Variants in ZDHHC14 observed in about 807,000 individuals in gnomAD.
ZDHHC14 encodes the protein palmitoyltransferase ZDHHC14.
In ZDHHC14, 16 loss-of-function variants were observed where a neutral mutation model predicts 47.7. The observed-to-expected ratio is 0.34, with a 90% CI of 0.23 to 0.51. ZDHHC14 has a LOEUF of 0.51. Ranked by LOEUF, ZDHHC14 falls within the 20% of genes least tolerant of loss-of-function variation. ZDHHC14 has a pLI of 0.97. For missense variants in ZDHHC14, 515 were observed against 662.5 expected, an observed-to-expected ratio of 0.78 and a Z score of 2.44; for synonymous variants, 293 against 278.9, an observed-to-expected ratio of 1.05 and a Z score of -0.50.
At chr6:157,492,347 C>T (rs1053108180) in intron 1 of ZDHHC14, among the ~76,000 whole-genome samples, 2 of 152,172 alleles carry the variant, frequency 1.3e-5, no homozygotes, top group Non-Finnish European at 2.9e-5. Flanking sequence ...CTCCAAAGAC[C>T]TCAGGGCATT....
At chr6:157,495,914 A>G (rs1780052428) in intron 1 of ZDHHC14, among the ~76,000 whole-genome samples, 1 of 151,976 alleles carries the variant, frequency 6.6e-6, no homozygotes, top group African/African-American at 2.4e-5. Context: ...CATGTTGACC[A>G]GGCTGGTCTT....
chr6:157,467,088 T>G (rs1401267639), intron 1 of ZDHHC14, among the ~76,000 whole-genome samples: 1 of 152,148 alleles, frequency 6.6e-6, no homozygotes, highest in Non-Finnish European at 1.5e-5. Flanking sequence ...GGAAACACCA[T>G]CCGAGTTTTT....
intron 1 of ZDHHC14, among the ~76,000 whole-genome samples, chr6:157,424,772 C>G (rs1778182881): frequency 6.6e-6 from 1 of 152,126 alleles, no homozygotes; most frequent in Non-Finnish European, 1.5e-5. Flanking sequence ...CCTCCCCTAT[C>G]CAATCAATCA....
chr6:157,415,106 A>G (rs1444588249), intron 1 of ZDHHC14, among the ~76,000 whole-genome samples: 4 of 152,158 alleles, frequency 2.6e-5, no homozygotes, highest in Non-Finnish European at 4.4e-5. Flanking sequence ...CTGTCAAGAG[A>G]ACTATACTGA....
chr6:157,515,299 C>T (rs1016914815), intron 1 of ZDHHC14, among the ~76,000 whole-genome samples: 13 of 152,122 alleles, frequency 8.5e-5, no homozygotes, highest in Non-Finnish European at 1.5e-4. Context: ...TTTCCCTCTC[C>T]GAATCTTTTC....
intron 1 of ZDHHC14, among the ~76,000 whole-genome samples, chr6:157,413,124 C>G (rs1340493671): frequency 6.6e-6 from 1 of 152,130 alleles, no homozygotes; most frequent in Non-Finnish European, 1.5e-5. Flanking sequence ...ATAGAAGCGT[C>G]TAAAGTGCCA....
intron 1 of ZDHHC14, among the ~76,000 whole-genome samples, chr6:157,494,451 C>T (rs1780006997): frequency 6.6e-6 from 1 of 152,166 alleles, no homozygotes; most frequent in African/African-American, 2.4e-5. Flanking sequence ...GTAGACAGGG[C>T]ATTTGTTCTG....
At chr6:157,445,716 A>G (rs1454545826) in intron 1 of ZDHHC14, among the ~76,000 whole-genome samples, 2 of 152,190 alleles carry the variant, frequency 1.3e-5, no homozygotes, top group African/African-American at 4.8e-5. Context: ...TTAAACTACT[A>G]TATTTAGACG....
intron 1 of ZDHHC14, among the ~76,000 whole-genome samples, chr6:157,407,896 A>G (rs1164837184): frequency 6.6e-6 from 1 of 152,236 alleles, no homozygotes; most frequent in Non-Finnish European, 1.5e-5. Flanking sequence ...ACTTCTCAGA[A>G]GTAAAATAAG....
chr6:157,489,054 C>T (rs566301749), intron 1 of ZDHHC14, among the ~76,000 whole-genome samples: 63 of 152,266 alleles, frequency 4.1e-4, no homozygotes, highest in Admixed American at 9.2e-4. Flanking sequence ...TGTTTTGTAC[C>T]AGTAAACGGG....
chr6:157,659,057 T>G (rs952587073), intron 8 of ZDHHC14, among the ~76,000 whole-genome samples: 3 of 152,240 alleles, frequency 2.0e-5, no homozygotes, highest in African/African-American at 7.2e-5. Flanking sequence ...TTCTAGGAAT[T>G]TATCCATTTC....
intron 1 of ZDHHC14, among the ~76,000 whole-genome samples, chr6:157,490,241 A>C (rs532777959): frequency 6.6e-6 from 1 of 152,234 alleles, no homozygotes; most frequent in Admixed American, 6.5e-5. Context: ...GGGTGTCTCT[A>C]AACAGATATA....
intron 1 of ZDHHC14, among the ~76,000 whole-genome samples, chr6:157,469,584 A>G (rs1779307292): frequency 6.6e-6 from 1 of 152,204 alleles, no homozygotes; most frequent in Non-Finnish European, 1.5e-5. Context: ...TGGCTGTTGC[A>G]GGTCAGCCTG....
chr6:157,492,431 CAAAGCGGG>C (rs201912099), intron 1 of ZDHHC14, among the ~76,000 whole-genome samples: 20 of 151,752 alleles, frequency 1.3e-4, no homozygotes, highest in Admixed American at 3.9e-4. Context: ...GGGAAACCGG[CAAAGCGGG>C]AAAGCGGGAA....
At chr6:157,639,466 G>A (rs3763168) in intron 5 of ZDHHC14, among the ~76,000 whole-genome samples, 15,237 of 152,062 alleles carry the variant, frequency 0.1, 1,603 homozygotes, top group African/African-American at 0.27. Context: ...CACCAAGCCC[G>A]GCTAATTTTT....
chr6:157,661,657 T>TC (rs1764311420), intron 8 of ZDHHC14, among the ~76,000 whole-genome samples: 1 of 152,204 alleles, frequency 6.6e-6, no homozygotes. Flanking sequence ...ACTTTGGGGC[T>TC]GGGTGATCTT....
At chr6:157,509,207 A>G (rs899907955) in intron 1 of ZDHHC14, among the ~76,000 whole-genome samples, 2 of 152,152 alleles carry the variant, frequency 1.3e-5, no homozygotes, top group Non-Finnish European at 2.9e-5. Flanking sequence ...CACTGATGTG[A>G]GTACCCTGGG....
chr6:157,500,652 C>T (rs1780172434), intron 1 of ZDHHC14, among the ~76,000 whole-genome samples: 1 of 152,148 alleles, frequency 6.6e-6, no homozygotes, highest in African/African-American at 2.4e-5. Flanking sequence ...TGCTCTTATT[C>T]TCCAGGTAGA....
At chr6:157,501,624 A>C (rs1315528561) in intron 1 of ZDHHC14, among the ~76,000 whole-genome samples, 2 of 152,206 alleles carry the variant, frequency 1.3e-5, no homozygotes, top group African/African-American at 4.8e-5. Context: ...GCATTTCTAA[A>C]GTTAGTATTG....
Sources: gnomAD v4.1 joint callset for allele counts (sites outside exome capture counted in the v4.1 genomes callset) on GRCh38, gnomAD v4.1.1 for gene constraint, MANE v1.5 for transcripts, NCBI Gene and HGNC (gene_info 2026-07-23, HGNC 2026-07-21) for gene names.